ZFHX3: variants seen among roughly 807,000 people sequenced by gnomAD.
The protein encoded by ZFHX3 is zinc finger homeobox 3.
ZFHX3 carries 42 observed loss-of-function variants against 279.1 expected under a neutral mutation model. That is an observed-to-expected ratio of 0.15 (90% CI 0.12 to 0.19). ZFHX3 has a LOEUF of 0.19. Ranked by LOEUF, ZFHX3 falls within the 10% of genes least tolerant of loss-of-function variation. The probability of loss-of-function intolerance (pLI) is 1.00; values close to 1 mark genes in which losing one functional copy is unlikely to be tolerated. For synonymous variants in ZFHX3, 2,293 were observed against 1,957.8 expected, an observed-to-expected ratio of 1.17 and a Z score of -4.52; for missense variants, 4,981 against 4,754.0, an observed-to-expected ratio of 1.05 and a Z score of -1.40.
intron 3 of ZFHX3, among the ~76,000 whole-genome samples, chr16:73,393,179 G>C (rs1391896225): frequency 6.6e-6 from 1 of 152,162 alleles, no homozygotes; most frequent in East Asian, 1.9e-4. Flanking sequence ...GGCTGGCTGG[G>C]CTCAAGCAAT....
At chr16:72,837,474 ATT>A (rs761762599) in intron 4 of ZFHX3, among the ~76,000 whole-genome samples, 54 of 125,158 alleles carry the variant, frequency 4.3e-4, no homozygotes, top group African/African-American at 1.1e-3. Flanking sequence ...TCCAATGATG[ATT>A]TTTTTTTTTT....
Position 73,585,647 on chromosome 16 carries a change from T to A in ZFHX3, c.-1547+94533A>T, listed in dbSNP as rs140291233. On this transcript the variant is annotated intron_variant, in intron 2 of 17. Coordinates refer to the ZFHX3 transcript ENST00000641206. ...ACAGCAAAAACAAACAACAAAAAGA[T>A]GTGATAAGGAAGGAAAGGCACAGGG... Among the ~76,000 whole-genome samples, 12 of 151,770 alleles carry A rather than the reference T, an allele frequency of 7.9e-5. No individual in the cohort carries two copies. In the East Asian group the frequency reaches 1.2e-3, roughly 15 times the overall value.
chr16:73,647,203 GGGGTTTCACCGTGTTAGCCA>G (rs776590200), intron 2 of ZFHX3, among the ~76,000 whole-genome samples: 12 of 151,946 alleles, frequency 7.9e-5, no homozygotes, highest in Non-Finnish European at 1.8e-4. Flanking sequence ...TAGTAGAGAC[GGGGTTTCACCGTGTTAGCCA>G]GGATGGTCTC....
chr16:73,701,729 T>C (rs1407121573), intron 1 of ZFHX3, among the ~76,000 whole-genome samples: 1 of 152,136 alleles, frequency 6.6e-6, no homozygotes, highest in East Asian at 1.9e-4. Context: ...TTCTAAAAAA[T>C]GACCCCTGTC....
intron 5 of ZFHX3, among the ~76,000 whole-genome samples, chr16:73,165,250 A>C (rs1188344484): frequency 1.3e-5 from 2 of 152,218 alleles, no homozygotes; most frequent in African/African-American, 4.8e-5. Flanking sequence ...ACACGCCGGC[A>C]GCTGGGAGGA....
intron 5 of ZFHX3, among the ~76,000 whole-genome samples, chr16:73,230,486 C>T (rs985597490): frequency 1.8e-4 from 27 of 152,288 alleles, no homozygotes; most frequent in African/African-American, 6.5e-4. Flanking sequence ...TGAATCCTCC[C>T]TAGTGCCCCA....
At chr16:73,033,629 C>G (rs982499390) in intron 1 of ZFHX3, among the ~76,000 whole-genome samples, 1 of 152,120 alleles carries the variant, frequency 6.6e-6, no homozygotes, top group Non-Finnish European at 1.5e-5. Flanking sequence ...AGGCCAGCGC[C>G]GGGGCCCCTT....
intron 3 of ZFHX3, among the ~76,000 whole-genome samples, chr16:73,336,333 T>A (rs930675770): frequency 2.6e-5 from 4 of 152,120 alleles, no homozygotes; most frequent in African/African-American, 9.7e-5. Flanking sequence ...GGGTAATCCA[T>A]CACCCGGACA....
chr16:73,745,605 C>T (rs142699968), intron 1 of ZFHX3, among the ~76,000 whole-genome samples: 1 of 152,306 alleles, frequency 6.6e-6, no homozygotes, highest in Non-Finnish European at 1.5e-5. Context: ...GCGTGTATAG[C>T]CAGATTTAGC....
intron 1 of ZFHX3, among the ~76,000 whole-genome samples, chr16:73,757,569 G>A (rs2142277613): frequency 6.6e-6 from 1 of 152,244 alleles, no homozygotes; most frequent in Non-Finnish European, 1.5e-5. Flanking sequence ...CCAAGGCTAA[G>A]CAATGTGTTA....
rs547612711 is a variant in ZFHX3, at chr16:72,959,309, C to T, written c.837G>A (p.Lys279=). ...FDGFVLYGKR[K]PILMCFLCKL... ...TGCACAAGAAACACATCAGGATGGG[C>T]TTCCTCTTGCCATAGAGCACAAAGC... The change falls in exon 2 of 10, where the codon AAG becomes AAA. Residue 279 remains lysine (K), a synonymous_variant. Coordinates refer to ENST00000268489, the MANE Select transcript of ZFHX3 (RefSeq NM_006885.4). The T allele has an allele frequency of 1.2e-6, 2 of 1,614,244 alleles. No individual in the cohort carries two copies. Among genetic ancestry groups the T allele is most frequent in the African/African-American group, 2.7e-5 (2 of 75,064 alleles).
intron 1 of ZFHX3, among the ~76,000 whole-genome samples, chr16:73,832,599 G>A (rs545979202): frequency 1.4e-4 from 22 of 152,224 alleles, no homozygotes; most frequent in African/African-American, 5.3e-4. Flanking sequence ...GGAGTCTAGA[G>A]TGCAATGATG....
intron 2 of ZFHX3, among the ~76,000 whole-genome samples, chr16:73,635,982 C>A (rs974627336): frequency 6.6e-6 from 1 of 152,160 alleles, no homozygotes; most frequent in East Asian, 1.9e-4. Context: ...TTAGTCATTT[C>A]CTCTTAGCAT....
chr16:72,867,570 A>T (rs2038052449), intron 4 of ZFHX3, among the ~76,000 whole-genome samples: 1 of 151,936 alleles, frequency 6.6e-6, no homozygotes, highest in African/African-American at 2.4e-5. Context: ...CCATGAGCAA[A>T]CTCTTCTTCC....
At chr16:73,661,560 A>C (rs1244279749) in intron 2 of ZFHX3, among the ~76,000 whole-genome samples, 1 of 152,128 alleles carries the variant, frequency 6.6e-6, no homozygotes, top group Non-Finnish European at 1.5e-5. Flanking sequence ...GTCTCTACAA[A>C]AAATACAAAA....
chr16:73,537,936 A>G (rs1030287051), intron 2 of ZFHX3, among the ~76,000 whole-genome samples: 1 of 152,236 alleles, frequency 6.6e-6, no homozygotes, highest in Non-Finnish European at 1.5e-5. Context: ...GGCCATTACT[A>G]AAAGTAACTC....
chr16:73,240,383 T>TCATTA (rs766696886), intron 5 of ZFHX3, among the ~76,000 whole-genome samples: 5 of 151,924 alleles, frequency 3.3e-5, no homozygotes, highest in Non-Finnish European at 7.4e-5. Flanking sequence ...CATGCCTGGA[T>TCATTA]CATTTTTGTA....
At chr16:73,717,967 C>T (rs146520919) in intron 1 of ZFHX3, among the ~76,000 whole-genome samples, 16 of 152,262 alleles carry the variant, frequency 1.1e-4, no homozygotes, top group African/African-American at 2.9e-4. Flanking sequence ...TGGTTACAGG[C>T]GAGGATGTGG....
At chr16:73,206,099 A>T (rs1378404812) in intron 5 of ZFHX3, among the ~76,000 whole-genome samples, 1 of 152,210 alleles carries the variant, frequency 6.6e-6, no homozygotes, top group Non-Finnish European at 1.5e-5. Flanking sequence ...TAGAGATGCG[A>T]TTGACTACAT....
Sources: allele counts gnomAD v4.1 joint callset (sites outside exome capture counted in the v4.1 genomes callset), GRCh38; gene constraint gnomAD v4.1.1; transcripts MANE v1.5; gene names NCBI Gene and HGNC (gene_info 2026-07-23, HGNC 2026-07-21).